The following HECTD4 variants were observed in gnomAD, a reference collection of about 807,000 sequenced individuals.
The protein encoded by HECTD4 is HECT domain E3 ubiquitin protein ligase 4, also known as probable E3 ubiquitin-protein ligase HECTD4.
HECTD4 carries 114 observed loss-of-function variants against 471.5 expected under a neutral mutation model. The observed-to-expected ratio is 0.24, with a 90% CI of 0.21 to 0.28. The LOEUF (loss-of-function observed/expected upper bound fraction) is 0.28. HECTD4 is among the 10% of genes least tolerant of loss of function. The probability of loss-of-function intolerance (pLI) is 1.00; values close to 1 mark genes in which losing one functional copy is unlikely to be tolerated. For missense variants in HECTD4, 3,866 were observed against 5,651.5 expected, an observed-to-expected ratio of 0.68 and a Z score of 10.13; for synonymous variants, 2,012 against 2,256.0, an observed-to-expected ratio of 0.89 and a Z score of 3.07.
At chr12:112,363,490 A>G (rs2036496437) in intron 1 of HECTD4, among the ~76,000 whole-genome samples, 2 of 152,238 alleles carry the variant, frequency 1.3e-5, no homozygotes, top group South Asian at 4.1e-4. Context: ...CAAAATAAAT[A>G]GAATAGTGCT....
intron 25 of HECTD4, 40 bp from the exon 26 acceptor site, chr12:112,248,552 T>C: frequency 7.5e-7 from 1 of 1,326,720 alleles, no homozygotes; most frequent in Non-Finnish European, 1.0e-6. Flanking sequence ...TATGCCATGC[T>C]CTCAGCTTCT....
rs989551050 is a variant in HECTD4, at chr12:112,251,114, T to C, written c.3573A>G (p.Ser1191=). ...VRAQESSEDV[S]GGLPFLVDLA... is the part of the protein sequence containing the mutation. ...GGTCTACCAGAAAGGGCAAGCCTCC[T>C]GAGACATCCTCCGAAGACTCCTACA... The change falls in exon 24 of 76, where the codon TCA becomes TCG. Residue 1191 remains serine, a synonymous_variant. Transcript: ENST00000682272. The C allele has an allele frequency of 1.2e-6, 2 of 1,613,884 alleles. No homozygotes were observed. The highest frequency in any genetic ancestry group is 8.5e-7 in the Non-Finnish European group (1 of 1,179,844).
Position 112,228,881 on chromosome 12 carries a change from G to T in HECTD4, c.6520-70C>A. ...TGGGCAGCTGTCTTACGAGACAAGA[G>T]GAAAAAGTAAATTTATAGTTGTCAT... On this transcript the variant is annotated intron_variant, in intron 41 of 75. Transcript: ENST00000682272. The surrounding 1 kb of genome is among the most constrained non-coding windows in gnomAD (Gnocchi z 4.9). 1 of 1,432,514 alleles carries T rather than the reference G, an allele frequency of 7.0e-7. No individual in the cohort carries two copies. Among genetic ancestry groups the T allele is most frequent in the East Asian group, 2.3e-5 (1 of 43,808 alleles). The allele number at this position is 1,432,514 out of a possible 1,614,324, so 88.7% of individuals were successfully genotyped here.
intron 61 of HECTD4, among the ~76,000 whole-genome samples, chr12:112,183,736 G>A (rs932626392): frequency 1.3e-5 from 2 of 152,234 alleles, no homozygotes; most frequent in Non-Finnish European, 2.9e-5. Context: ...CGAGGCCTAA[G>A]GAATACATGG....
chr12:112,365,541 C>T (rs1239018013), intron 1 of HECTD4, among the ~76,000 whole-genome samples: 1 of 152,272 alleles, frequency 6.6e-6, no homozygotes, highest in Non-Finnish European at 1.5e-5. Context: ...GCTCAATAGC[C>T]ACATGTGGGT....
chr12:112,294,229 A>C (rs1012639230), intron 7 of HECTD4, among the ~76,000 whole-genome samples: 6 of 152,188 alleles, frequency 3.9e-5, no homozygotes, highest in South Asian at 2.1e-4. Flanking sequence ...ATTGGAGTGA[A>C]ATCATAATTA....
intron 7 of HECTD4, among the ~76,000 whole-genome samples, chr12:112,293,847 C>A (rs2135662997): frequency 6.6e-6 from 1 of 152,244 alleles, no homozygotes; most frequent in African/African-American, 2.4e-5. Context: ...TTAATTAAAA[C>A]AACATAGCTA....
intron 1 of HECTD4, among the ~76,000 whole-genome samples, chr12:112,369,222 A>G (rs2036623088): frequency 6.6e-6 from 1 of 152,230 alleles, no homozygotes; most frequent in African/African-American, 2.4e-5. Context: ...CACTGACAGA[A>G]AACTCTGGCT....
Position 112,265,924 on chromosome 12 carries a change from G to A in HECTD4, c.2452C>T (p.Gln818Ter). 6.2e-7 allele frequency: 1 copy of A among 1,613,988 alleles called. No individual in the cohort carries two copies. Among genetic ancestry groups the A allele is most frequent in the Non-Finnish European group, 8.5e-7 (1 of 1,179,872 alleles). The change falls in exon 15 of 76, where the codon CAG (glutamine) becomes TAG (stop). Residue 818 changes from glutamine (Q) to a stop codon, truncating the protein, a stop_gained. Coordinates refer to ENST00000682272, the MANE Select transcript of HECTD4 (RefSeq NM_001388303.1). LOFTEE classifies it high-confidence loss of function. The part of the protein sequence containing the change: ...RDVILTNLAE[Q>*]LQNNRFGSDE... ...CTGCCAAATCGGTTGTTTTGGAGCT[G>A]TTCAGCCAGGTTGGTTAGGATCACA... is the stretch of plus-strand genomic sequence containing the variant.
intron 70 of HECTD4, among the ~76,000 whole-genome samples, chr12:112,169,016 C>T (rs891693590): frequency 6.6e-6 from 1 of 152,186 alleles, no homozygotes; most frequent in African/African-American, 2.4e-5. Flanking sequence ...CCAGTGTGCC[C>T]GGCTGTGGAG....
intron 7 of HECTD4, among the ~76,000 whole-genome samples, chr12:112,287,522 T>G (rs2034777840): frequency 6.6e-6 from 1 of 152,116 alleles, no homozygotes; most frequent in Non-Finnish European, 1.5e-5. Context: ...AAATTGTCAC[T>G]AATAAAATTT....
At chr12:112,266,209 T>C (rs78557593) in intron 14 of HECTD4, among the ~76,000 whole-genome samples, 10,103 of 152,310 alleles carry the variant, frequency 0.066, 371 homozygotes, top group Middle Eastern at 0.16. Flanking sequence ...TGAAGTGTGA[T>C]TTTTTATTCC....
chr12:112,258,338 C>T (rs953572503), intron 20 of HECTD4, 158 bp downstream of exon 20: 1 of 462,956 alleles, frequency 2.2e-6, no homozygotes, highest in Admixed American at 4.3e-5. Flanking sequence ...TATAAATCTA[C>T]AAAGCAATGC....
At chr12:112,295,019 C>T (rs1160669448) in intron 7 of HECTD4, among the ~76,000 whole-genome samples, 1 of 151,896 alleles carries the variant, frequency 6.6e-6, no homozygotes, top group Non-Finnish European at 1.5e-5. Context: ...ACTATTCTAG[C>T]ACCGGAGGGC....
rs768805905 is a variant in HECTD4, at chr12:112,216,891, C to T, written c.7267G>A (p.Val2423Ile). 10 of 1,613,830 alleles carry T rather than the reference C, an allele frequency of 6.2e-6. No homozygotes were observed. Among genetic ancestry groups the T allele is most frequent in the South Asian group, 2.2e-5 (2 of 91,082 alleles). The part of the protein sequence containing the change: ...APSFYWEIEI[V>I]SYGDTDDDTG... ...TCATCATCGGTGTCTCCATAGGAAA[C>T]GATTTCAATTTCCCAGTAAAAAGAC... Residue 2423 changes from valine to isoleucine, a missense_variant, in exon 47 of 76, where the codon GTT becomes ATT. This residue lies in a region of HECTD4 where 617 missense variants were observed against 915.1 expected (regional missense o/e 0.67). Transcript: ENST00000682272.
rs947677457 is a variant in HECTD4, at chr12:112,179,506, T to G, written c.10988-109A>C. 11 of 978,852 alleles carry G rather than the reference T, an allele frequency of 1.1e-5. No individual in the cohort carries two copies. The Admixed American group carries it at 2.3e-4, about 20-fold the overall frequency. The allele number at this position is 978,852 out of a possible 1,614,324, so 60.6% of individuals were successfully genotyped here. A position where few individuals can be genotyped will look rare whatever the true frequency, so the allele number is the denominator to read the frequency against. On this transcript the variant is annotated intron_variant, in intron 62 of 75. Transcript: ENST00000682272. The surrounding 1 kb of genome is among the most constrained non-coding windows in gnomAD (Gnocchi z 4.3). Reference sequence around the variant, plus strand: ...GTTTGAAAGGGGCAGTGGATGGACATTAGTGGAAGGAAGAGCTGCCCACCA... The same window carrying G: ...GTTTGAAAGGGGCAGTGGATGGACAGTAGTGGAAGGAAGAGCTGCCCACCA...
chr12:112,375,896 G>A (rs969824167), intron 1 of HECTD4, among the ~76,000 whole-genome samples: 9 of 148,926 alleles, frequency 6.0e-5, no homozygotes, highest in East Asian at 2.0e-4. Flanking sequence ...TGGCGAAACC[G>A]CATCTCTACT....
In HECTD4 at chr12:112,164,109, G is replaced by T; in HGVS notation, c.12701C>A (p.Ala4234Glu). The T allele has an allele frequency of 4.4e-6, 7 of 1,575,562 alleles. No homozygotes were observed. Among genetic ancestry groups the T allele is most frequent in the Non-Finnish European group, 6.0e-6 (7 of 1,159,302 alleles). ...GCCCCTGACACGCGCACACACTCAC[G>T]CCACAAGGATGTGCCGGCCCCGGCT... Reference protein sequence around the residue: ...LCSRGRHILVAWENKDIYAAA... With the variant: ...LCSRGRHILVEWENKDIYAAA... Residue 4234 changes from alanine to glutamate, a missense_variant and splice_region_variant, in exon 73 of 76, where the codon GCG becomes GAG. Coordinates refer to ENST00000682272, the MANE Select transcript of HECTD4 (RefSeq NM_001388303.1).
chr12:112,275,786 G>A (rs1404988757), intron 9 of HECTD4, among the ~76,000 whole-genome samples: 2 of 152,000 alleles, frequency 1.3e-5, no homozygotes, highest in African/African-American at 4.8e-5. Flanking sequence ...TAACATAAAT[G>A]ATACTCTTTT....
Sources: gnomAD v4.1 joint callset for allele counts (sites outside exome capture counted in the v4.1 genomes callset) on GRCh38, gnomAD v4.1.1 for gene constraint, gnomAD v4.1.1 regional missense constraint, Gnocchi (gnomAD v3.1) non-coding constraint, MANE v1.5 for transcripts, NCBI Gene and HGNC (gene_info 2026-07-23, HGNC 2026-07-21) for gene names.